FMN2: variants seen among roughly 807,000 people sequenced by gnomAD.
FMN2 encodes formin 2.
In FMN2, 51 loss-of-function variants were observed where a neutral mutation model predicts 142.3. The observed-to-expected ratio is 0.36, with a 90% CI of 0.29 to 0.45. The LOEUF (loss-of-function observed/expected upper bound fraction) is 0.45. Among genes scored for constraint, FMN2 ranks in the 20% least tolerant of loss-of-function variants. The pLI is 1.00. For synonymous variants in FMN2, 882 were observed against 869.8 expected (o/e 1.01, Z -0.25); for missense variants, 1,936 against 2,122.8 (o/e 0.91, Z 1.73).
intron 15 of FMN2, among the ~76,000 whole-genome samples, chr1:240,401,812 G>A (rs375198530): frequency 9.2e-5 from 14 of 152,306 alleles, no homozygotes; most frequent in African/African-American, 2.6e-4. Flanking sequence ...GCAGGGCTGC[G>A]TGGTGGACAG....
intron 8 of FMN2, among the ~76,000 whole-genome samples, chr1:240,295,517 A>T (rs1669942235): frequency 6.6e-6 from 1 of 151,568 alleles, no homozygotes. Flanking sequence ...TAGATTCCTT[A>T]TTTGTCTTTC....
intron 14 of FMN2, among the ~76,000 whole-genome samples, chr1:240,383,200 T>C (rs766292642): frequency 6.6e-6 from 1 of 152,100 alleles, no homozygotes; most frequent in Non-Finnish European, 1.5e-5. Context: ...GACATTGGCC[T>C]AGGCAAAGAA....
At chr1:240,231,619 G>C (rs1255543260) in intron 6 of FMN2, among the ~76,000 whole-genome samples, 2 of 152,204 alleles carry the variant, frequency 1.3e-5, no homozygotes, top group Non-Finnish European at 2.9e-5. Flanking sequence ...TGATTTGTGA[G>C]GGGCTTGTAG....
chr1:240,425,481 G>C (rs1311208628), intron 15 of FMN2, among the ~76,000 whole-genome samples: 1 of 152,100 alleles, frequency 6.6e-6, no homozygotes, highest in East Asian at 1.9e-4. Context: ...TGCTTTTGTG[G>C]ATCCATTCTT....
At chr1:240,292,102 A>G (rs10802856) in intron 7 of FMN2, among the ~76,000 whole-genome samples, 46,143 of 151,776 alleles carry the variant, frequency 0.3, 7,433 homozygotes, top group Admixed American at 0.47. Flanking sequence ...TCCATGTTCT[A>G]TGTTTGTTCC....
At chr1:240,356,940 G>T (rs1672292164) in intron 14 of FMN2, among the ~76,000 whole-genome samples, 1 of 152,196 alleles carries the variant, frequency 6.6e-6, no homozygotes. Context: ...AAATCACGTT[G>T]AATGTCATTT....
At chr1:240,175,165 C>T (rs573436615) in intron 2 of FMN2, among the ~76,000 whole-genome samples, 1 of 152,194 alleles carries the variant, frequency 6.6e-6, no homozygotes, top group Non-Finnish European at 1.5e-5. Context: ...GAGTTTCCTT[C>T]TATTTAAAGG....
intron 1 of FMN2, among the ~76,000 whole-genome samples, chr1:240,108,195 C>T (rs989125590): frequency 5.9e-5 from 9 of 152,106 alleles, no homozygotes; most frequent in African/African-American, 9.7e-5. Context: ...GTTCATCATC[C>T]TTGTGTGTTT....
chr1:240,237,201 A>G (rs1237278812), intron 6 of FMN2, among the ~76,000 whole-genome samples: 2 of 152,152 alleles, frequency 1.3e-5, no homozygotes, highest in Non-Finnish European at 2.9e-5. Flanking sequence ...TCTTTCTAAG[A>G]GTTTGTTTGA....
Position 240,180,648 on chromosome 1 carries a change from C to T in FMN2, c.1930+2580C>T, listed in dbSNP as rs1051585152. 2.0e-5 allele frequency among the ~76,000 whole-genome samples: 3 copies of T among 149,876 alleles called. No homozygotes were observed. The Admixed American group carries it at 2.0e-4, about 10-fold the overall frequency. ...ATGGCGCCATCTCGGCTCACTGCAA[C>T]CTCCGCCTCCTGAGTTCAAGTGATT... On this transcript the variant is annotated intron_variant, in intron 3 of 17. Transcript: ENST00000319653.
chr1:240,434,916 G>T (rs1403962157), intron 15 of FMN2, among the ~76,000 whole-genome samples: 3 of 151,520 alleles, frequency 2.0e-5, no homozygotes, highest in Non-Finnish European at 2.9e-5. Context: ...AGCTGAGACA[G>T]CACTCGTGAT....
chr1:240,107,003 A>G (rs1354359166), intron 1 of FMN2, among the ~76,000 whole-genome samples: 1 of 151,634 alleles, frequency 6.6e-6, no homozygotes, highest in East Asian at 2.0e-4. Context: ...AGGATTTTTA[A>G]TGCCACTCTC....
chr1:240,191,915 G>T (rs932998417), intron 4 of FMN2, among the ~76,000 whole-genome samples: 1 of 152,048 alleles, frequency 6.6e-6, no homozygotes, highest in Non-Finnish European at 1.5e-5. Context: ...TGAAAGTCAG[G>T]TCTTTGAACA....
intron 7 of FMN2, among the ~76,000 whole-genome samples, chr1:240,286,849 A>T (rs1288963154): frequency 6.6e-6 from 1 of 152,136 alleles, no homozygotes; most frequent in Non-Finnish European, 1.5e-5. Flanking sequence ...CACTTTGAGG[A>T]TCTTTTACAC....
intron 7 of FMN2, among the ~76,000 whole-genome samples, chr1:240,267,156 G>A (rs969201471): frequency 6.6e-6 from 1 of 151,808 alleles, no homozygotes; most frequent in East Asian, 1.9e-4. Context: ...CAGAGTAAAC[G>A]GACAACCTAC....
chr1:240,213,751 A>T (rs1666782178), intron 6 of FMN2, among the ~76,000 whole-genome samples: 1 of 152,164 alleles, frequency 6.6e-6, no homozygotes, highest in South Asian at 2.1e-4. Flanking sequence ...TTTTTGTTTA[A>T]ATATTTAAAA....
At chr1:240,189,382 T>G (rs1007610895) in intron 4 of FMN2, among the ~76,000 whole-genome samples, 18 of 152,216 alleles carry the variant, frequency 1.2e-4, no homozygotes, top group Non-Finnish European at 2.9e-5. Flanking sequence ...AGACACATAC[T>G]TGGGTTTTAC....
intron 14 of FMN2, among the ~76,000 whole-genome samples, chr1:240,361,141 G>GTATATATATATATATA (rs202070560): frequency 8.3e-4 from 36 of 43,190 alleles, no homozygotes; most frequent in Non-Finnish European, 1.1e-3. Context: ...AAATATATGT[G>GTATATATATATATATA]TATATATATA....
chr1:240,439,255 A>G (rs59730220), intron 16 of FMN2, among the ~76,000 whole-genome samples: 3,621 of 125,512 alleles, frequency 0.029, 155 homozygotes, highest in African/African-American at 0.1. Flanking sequence ...CCTGGACAAC[A>G]GAGCAAGGCT....
Sources: gnomAD v4.1 joint callset for allele counts (sites outside exome capture counted in the v4.1 genomes callset) on GRCh38, gnomAD v4.1.1 for gene constraint, MANE v1.5 for transcripts, NCBI Gene and HGNC (gene_info 2026-07-23, HGNC 2026-07-21) for gene names.